Variants in PSD3 observed in about 807,000 individuals in gnomAD.
PSD3 encodes PH and SEC7 domain-containing protein 3.
A neutral mutation model predicts 105.5 loss-of-function variants in PSD3; 49 were observed. The observed-to-expected ratio is 0.46, with a 90% confidence interval of 0.37 to 0.59. The LOEUF (loss-of-function observed/expected upper bound fraction) is 0.59. Ranked by LOEUF, PSD3 falls within the 20% of genes least tolerant of loss-of-function variation. The pLI is 0.00. For missense variants in PSD3, 1,561 were observed against 1,263.8 expected (o/e 1.24, Z -3.57); for synonymous variants, 557 against 457.8 (o/e 1.22, Z -2.77).
chr8:18,619,388 T>G (rs1470849266), intron 11 of PSD3, among the ~76,000 whole-genome samples: 6 of 152,154 alleles, frequency 3.9e-5, no homozygotes, highest in Non-Finnish European at 7.4e-5. Flanking sequence ...CTCATGCCTG[T>G]AATCCCAGCA....
At chr8:18,822,741 C>A (rs906918521) in intron 4 of PSD3, among the ~76,000 whole-genome samples, 2 of 152,200 alleles carry the variant, frequency 1.3e-5, no homozygotes, top group Non-Finnish European at 2.9e-5. Context: ...TCAGAGAACA[C>A]TGACATTTCA....
At chr8:18,856,431 G>C (rs568711983) in intron 4 of PSD3, among the ~76,000 whole-genome samples, 10 of 152,314 alleles carry the variant, frequency 6.6e-5, no homozygotes, top group African/African-American at 2.4e-4. Flanking sequence ...TAGAACTTGA[G>C]AAGACCACGG....
chr8:18,574,305 G>GT (rs1258151227), intron 13 of PSD3, among the ~76,000 whole-genome samples: 1 of 152,104 alleles, frequency 6.6e-6, no homozygotes, highest in Non-Finnish European at 1.5e-5. Context: ...TCAATGGACT[G>GT]TTTTTTGCAT....
intron 14 of PSD3, among the ~76,000 whole-genome samples, chr8:18,566,424 G>A (rs1424749598): frequency 3.3e-5 from 5 of 151,680 alleles, no homozygotes; most frequent in Non-Finnish European, 7.4e-5. Flanking sequence ...TACTCGAGAG[G>A]CTGAGGCAGG....
intron 6 of PSD3, 120 bp downstream of exon 6, chr8:18,804,402 T>C: frequency 1.2e-6 from 1 of 828,854 alleles, no homozygotes. Context: ...GAAGGAATAC[T>C]CCACCTATAC....
chr8:18,920,116 A>G (rs1820910187), intron 2 of PSD3, among the ~76,000 whole-genome samples: 1 of 151,856 alleles, frequency 6.6e-6, no homozygotes, highest in African/African-American at 2.4e-5. Context: ...CAGGTTCACA[A>G]TGATCATTTC....
At chr8:18,778,640 A>G (rs1808317309) in intron 8 of PSD3, among the ~76,000 whole-genome samples, 2 of 147,330 alleles carry the variant, frequency 1.4e-5, no homozygotes, top group East Asian at 2.6e-4. Context: ...TAATTTATTG[A>G]GTTTTTTTAT....
intron 1 of PSD3, among the ~76,000 whole-genome samples, chr8:18,954,204 A>G (rs532422811): frequency 1.3e-5 from 2 of 152,224 alleles, no homozygotes; most frequent in East Asian, 3.9e-4. Context: ...GCACATAAAC[A>G]TGCATAGAAA....
At chr8:18,660,525 A>G (rs1809269495) in intron 9 of PSD3, among the ~76,000 whole-genome samples, 1 of 152,204 alleles carries the variant, frequency 6.6e-6, no homozygotes, top group Non-Finnish European at 1.5e-5. Context: ...GGATTTCAGG[A>G]AATAGTTCCA....
intron 4 of PSD3, among the ~76,000 whole-genome samples, chr8:18,828,160 C>T (rs191039286): frequency 2.0e-5 from 3 of 150,196 alleles, no homozygotes; most frequent in Admixed American, 6.7e-5. Context: ...AAGCTATGTC[C>T]TCTGGCTCCT....
intron 1 of PSD3, among the ~76,000 whole-genome samples, chr8:19,065,997 C>T (rs891796641): frequency 6.6e-6 from 1 of 152,156 alleles, no homozygotes; most frequent in Admixed American, 6.5e-5. Context: ...TTTAAGAGTT[C>T]TATGCTGGGA....
At chr8:18,897,366 G>A (rs1442220062) in intron 2 of PSD3, among the ~76,000 whole-genome samples, 2 of 152,028 alleles carry the variant, frequency 1.3e-5, no homozygotes, top group South Asian at 2.1e-4. Context: ...TGTTCCATTG[G>A]TCTGTGTATC....
intron 2 of PSD3, among the ~76,000 whole-genome samples, chr8:18,915,303 A>G (rs976310413): frequency 2.0e-5 from 3 of 152,224 alleles, no homozygotes; most frequent in Non-Finnish European, 4.4e-5. Context: ...TTTGGTATAT[A>G]ACACCAAAAA....
At chr8:18,826,215 C>G (rs148089603) in intron 4 of PSD3, among the ~76,000 whole-genome samples, 3 of 152,170 alleles carry the variant, frequency 2.0e-5, no homozygotes, top group Non-Finnish European at 2.9e-5. Context: ...TCGCTCAGGC[C>G]TTCCAACAAC....
chr8:18,832,982 A>G (rs1563324890), intron 4 of PSD3, among the ~76,000 whole-genome samples: 1 of 152,150 alleles, frequency 6.6e-6, no homozygotes, highest in Non-Finnish European at 1.5e-5. Flanking sequence ...AACAAGGCAG[A>G]TATGCTCTCT....
chr8:18,947,297 A>G (rs1458563957), intron 1 of PSD3, among the ~76,000 whole-genome samples: 1 of 152,248 alleles, frequency 6.6e-6, no homozygotes, highest in Non-Finnish European at 1.5e-5. Context: ...CTTAGGGAGA[A>G]GACGTCGGCA....
intron 2 of PSD3, among the ~76,000 whole-genome samples, chr8:18,925,260 T>C (rs1462026410): frequency 1.3e-5 from 2 of 152,074 alleles, no homozygotes; most frequent in Non-Finnish European, 2.9e-5. Flanking sequence ...CCGGGCATGG[T>C]GGCGTACACC....
chr8:18,623,917 C>T (rs1007071011), intron 11 of PSD3, among the ~76,000 whole-genome samples: 3 of 152,124 alleles, frequency 2.0e-5, no homozygotes, highest in African/African-American at 4.8e-5. Flanking sequence ...GATTCTTCTG[C>T]AAGCCGCTTT....
intron 9 of PSD3, among the ~76,000 whole-genome samples, chr8:18,751,183 C>G (rs1456302367): frequency 6.6e-6 from 1 of 152,158 alleles, no homozygotes; most frequent in African/African-American, 2.4e-5. Context: ...CCGAGCCCTG[C>G]CCTGTGGGAA....
Sources: gnomAD v4.1 joint callset for allele counts (sites outside exome capture counted in the v4.1 genomes callset) on GRCh38, gnomAD v4.1.1 for gene constraint, MANE v1.5 for transcripts, NCBI Gene and HGNC (gene_info 2026-07-23, HGNC 2026-07-21) for gene names.